Variants in ZFAND3 observed in about 807,000 individuals in gnomAD.
ZFAND3 encodes AN1-type zinc finger protein 3.
A neutral mutation model predicts 29.6 loss-of-function variants in ZFAND3; 10 were observed. That is an observed-to-expected ratio of 0.34 (90% confidence interval 0.21 to 0.57). The LOEUF is 0.57. ZFAND3 is among the 20% of genes least tolerant of loss of function. The probability of loss-of-function intolerance (pLI) is 0.86; values close to 1 mark genes in which losing one functional copy is unlikely to be tolerated. For missense variants in ZFAND3, 230 were observed against 304.5 expected (o/e 0.76, Z 1.82); for synonymous variants, 128 against 112.6 (o/e 1.14, Z -0.87).
chr6:38,005,989 G>A (rs891810588), intron 2 of ZFAND3, among the ~76,000 whole-genome samples: 2 of 152,172 alleles, frequency 1.3e-5, no homozygotes, highest in African/African-American at 4.8e-5. Context: ...GTCTCATGGT[G>A]TGCTAAGTAA....
At chr6:38,041,382 T>C (rs1763756170) in intron 2 of ZFAND3, among the ~76,000 whole-genome samples, 1 of 152,144 alleles carries the variant, frequency 6.6e-6, no homozygotes, top group Non-Finnish European at 1.5e-5. Flanking sequence ...ATTGATGACT[T>C]TTGTTAACTG....
At chr6:37,961,288 A>C (rs1384818073) in intron 2 of ZFAND3, among the ~76,000 whole-genome samples, 1 of 152,196 alleles carries the variant, frequency 6.6e-6, no homozygotes, top group African/African-American at 2.4e-5. Flanking sequence ...GGGAGGGAAG[A>C]GTAGGAAGGA....
At chr6:37,852,848 T>C (rs1764307196) in intron 1 of ZFAND3, among the ~76,000 whole-genome samples, 1 of 152,036 alleles carries the variant, frequency 6.6e-6, no homozygotes, top group Admixed American at 6.6e-5. Context: ...CCCAAGAAGC[T>C]GAGATCACAG....
intron 1 of ZFAND3, among the ~76,000 whole-genome samples, chr6:37,862,683 G>T (rs567364255): frequency 1.7e-4 from 26 of 151,452 alleles, no homozygotes; most frequent in Admixed American, 3.3e-4. Context: ...CAGCCTGGGT[G>T]ACAGAGCGAG....
intron 2 of ZFAND3, among the ~76,000 whole-genome samples, chr6:38,013,172 T>A (rs543219633): frequency 1.3e-5 from 2 of 152,334 alleles, no homozygotes; most frequent in East Asian, 3.9e-4. Flanking sequence ...TTACATTGAT[T>A]AGTATATACA....
At chr6:38,053,590 A>G (rs1329599827) in intron 2 of ZFAND3, among the ~76,000 whole-genome samples, 1 of 152,126 alleles carries the variant, frequency 6.6e-6, no homozygotes, top group East Asian at 1.9e-4. Context: ...AGGCTGAGGC[A>G]TGAGAATCGC....
At chr6:37,996,649 C>G (rs1373355318) in intron 2 of ZFAND3, among the ~76,000 whole-genome samples, 4 of 152,078 alleles carry the variant, frequency 2.6e-5, no homozygotes, top group Non-Finnish European at 4.4e-5. Context: ...AACTTTTCTT[C>G]AGACTAATAT....
At chr6:37,821,214 G>C (rs527625293) in intron 1 of ZFAND3, among the ~76,000 whole-genome samples, 1 of 152,296 alleles carries the variant, frequency 6.6e-6, no homozygotes, top group African/African-American at 2.4e-5. Context: ...TTAGAAAGTG[G>C]ATCTTAATGT....
chr6:37,908,875 T>C (rs1436451583), intron 1 of ZFAND3, among the ~76,000 whole-genome samples: 1 of 152,226 alleles, frequency 6.6e-6, no homozygotes, highest in Non-Finnish European at 1.5e-5. Context: ...GGATCTTGTT[T>C]GTCAGTAACC....
At chr6:37,895,447 G>C (rs1342294202) in intron 1 of ZFAND3, among the ~76,000 whole-genome samples, 1 of 133,350 alleles carries the variant, frequency 7.5e-6, no homozygotes, top group Admixed American at 7.7e-5. Context: ...TGATTCTCCT[G>C]CCTCAGAGGT....
intron 2 of ZFAND3, among the ~76,000 whole-genome samples, chr6:38,001,273 C>T (rs1359715263): frequency 6.6e-6 from 1 of 152,140 alleles, no homozygotes; most frequent in African/African-American, 2.4e-5. Context: ...AGAAACAATG[C>T]TTTGTTATTT....
intron 2 of ZFAND3, among the ~76,000 whole-genome samples, chr6:37,976,738 T>C (rs984593818): frequency 1.3e-5 from 2 of 152,088 alleles, no homozygotes; most frequent in African/African-American, 4.8e-5. Context: ...ATGTCTTACA[T>C]GGTGGCAGGT....
intron 1 of ZFAND3, among the ~76,000 whole-genome samples, chr6:37,895,459 C>CTTTTTTTTTTTTTTT (rs11331881): frequency 3.1e-4 from 24 of 76,762 alleles, no homozygotes; most frequent in African/African-American, 4.1e-4. Flanking sequence ...CTCAGAGGTT[C>CTTTTTTTTTTTTTTT]TTTTTTTTTT....
intron 1 of ZFAND3, among the ~76,000 whole-genome samples, chr6:37,874,007 G>A (rs1764747354): frequency 6.6e-6 from 1 of 152,120 alleles, no homozygotes; most frequent in African/African-American, 2.4e-5. Context: ...ACAAAGTGTT[G>A]CAAACTAGAT....
At chr6:37,892,246 G>T (rs1765118543) in intron 1 of ZFAND3, among the ~76,000 whole-genome samples, 1 of 152,154 alleles carries the variant, frequency 6.6e-6, no homozygotes, top group Non-Finnish European at 1.5e-5. Context: ...GCTGGTCAAA[G>T]AAATCAGAAA....
rs1764222421 is a variant in ZFAND3 at position 37,848,507 on chromosome 6, G to A, written c.71+28491G>A. On this transcript the variant is annotated intron_variant, in intron 1 of 5. Transcript: ENST00000287218. The stretch of plus-strand genomic sequence containing the variant: ...ACTGAATGGGGAAAATGGTTATTCT[G>A]CCTATGTGCACTATTTCCTTTGTCT... Among the ~76,000 whole-genome samples, 4 of 152,326 alleles carry A rather than the reference G, an allele frequency of 2.6e-5. No homozygotes were observed. In the South Asian group the frequency reaches 8.3e-4, roughly 32 times the overall value.
At chr6:38,086,318 G>C (rs1764756201) in intron 4 of ZFAND3, among the ~76,000 whole-genome samples, 1 of 152,136 alleles carries the variant, frequency 6.6e-6, no homozygotes, top group Non-Finnish European at 1.5e-5. Context: ...AGAGAAATTA[G>C]ATAGATGAAG....
At position 38,152,605 on chromosome 6, in the gene ZFAND3, A is replaced by G; in HGVS notation, c.*216A>G. Reference sequence around the variant, plus strand: ...TACTAAGGTGCCTGCTAGCCATTGTATAAAATTAAAACATGAAGAATATTT... The same window carrying G: ...TACTAAGGTGCCTGCTAGCCATTGTGTAAAATTAAAACATGAAGAATATTT... On this transcript the variant is annotated 3_prime_UTR_variant, in exon 6 of 6. Coordinates refer to ENST00000287218, the MANE Select transcript of ZFAND3 (RefSeq NM_021943.3). 1 of 1,239,420 alleles carries G rather than the reference A, an allele frequency of 8.1e-7. No homozygotes were observed. The highest frequency in any genetic ancestry group is 1.0e-6 in the Non-Finnish European group (1 of 991,692). 76.8% of individuals were successfully genotyped at this position (1,239,420 alleles called of 1,614,324 possible). A position where few individuals can be genotyped will look rare whatever the true frequency, so the allele number is the denominator to read the frequency against.
intron 2 of ZFAND3, among the ~76,000 whole-genome samples, chr6:37,941,755 T>C (rs2127417270): frequency 6.6e-6 from 1 of 152,344 alleles, no homozygotes; most frequent in East Asian, 1.9e-4. Context: ...CCTGCAGATT[T>C]CATTTGTTAA....
Sources: allele counts gnomAD v4.1 joint callset (sites outside exome capture counted in the v4.1 genomes callset), GRCh38; gene constraint gnomAD v4.1.1; transcripts MANE v1.5; gene names NCBI Gene and HGNC (gene_info 2026-07-23, HGNC 2026-07-21).